The following NSUN2 variants were observed in gnomAD, a reference collection of about 807,000 sequenced individuals.
NSUN2 encodes RNA cytosine C(5)-methyltransferase NSUN2.
In NSUN2, 63 loss-of-function variants were observed where a neutral mutation model predicts 92.7. That is an observed-to-expected ratio of 0.68 (90% CI 0.56 to 0.84). NSUN2 has a LOEUF of 0.84. Ranked by LOEUF, NSUN2 falls within the 40% of genes least tolerant of loss-of-function variation. NSUN2 has a pLI of 0.00. For synonymous variants in NSUN2, 356 were observed against 348.3 expected (o/e 1.02, Z -0.25); for missense variants, 989 against 964.9 (o/e 1.02, Z -0.33).
intron 5 of NSUN2, among the ~76,000 whole-genome samples, chr5:6,622,450 T>C (rs1451731054): frequency 6.6e-6 from 1 of 152,212 alleles, no homozygotes; most frequent in Non-Finnish European, 1.5e-5. Flanking sequence ...TCAGTTCAAG[T>C]ACTTCTCCTT....
At chr5:6,620,037 T>G (rs1737372289) in intron 7 of NSUN2, 69 bp downstream of exon 7, 4 of 1,318,336 alleles carry the variant, frequency 3.0e-6, no homozygotes, top group East Asian at 4.9e-5. Flanking sequence ...CATGCACAAC[T>G]TCATTTTAGT....
intron 5 of NSUN2, among the ~76,000 whole-genome samples, chr5:6,622,803 C>T (rs1181272989): frequency 6.0e-5 from 9 of 149,788 alleles, no homozygotes; most frequent in African/African-American, 1.2e-4. Flanking sequence ...GCCAAGATCG[C>T]GCCACTGCAC....
At chr5:6,604,526 G>A in intron 16 of NSUN2, 79 bp downstream of exon 16, 3 of 1,304,882 alleles carry the variant, frequency 2.3e-6, no homozygotes, top group Middle Eastern at 3.8e-4. Context: ...AGACCATCTG[G>A]CTGACCAGCA....
At chr5:6,621,310 A>C (rs1737426161) in intron 6 of NSUN2, 1 of 152,162 alleles carries the variant, frequency 6.6e-6, no homozygotes, top group Admixed American at 6.5e-5. Flanking sequence ...GCTTTTAACT[A>C]CACACTACTA....
At chr5:6,616,092 C>T (rs966803767) in intron 9 of NSUN2, among the ~76,000 whole-genome samples, 1 of 152,118 alleles carries the variant, frequency 6.6e-6, no homozygotes, top group Admixed American at 6.5e-5. Context: ...ATGGTGGGGT[C>T]CCCCCAAAAT....
intron 7 of NSUN2, 91 bp downstream of exon 7, chr5:6,620,015 T>C: frequency 1.8e-6 from 2 of 1,117,070 alleles, no homozygotes; most frequent in South Asian, 3.3e-5. Context: ...TTATGTACAA[T>C]TGTGTCATAT....
Position 6,620,172 on chromosome 5 carries a change from T to C in NSUN2, c.749A>G (p.Gln250Arg). ...CTCTTTCCTGCCGTCCACATCTATCTGGAGCCTGGGTATGCTGGAGGCATC... is the reference window on the plus strand; with the variant it reads ...CTCTTTCCTGCCGTCCACATCTATCCGGAGCCTGGGTATGCTGGAGGCATC... ...NHDASSIPRL[Q>R]IDVDGRKEIL... Residue 250 changes from glutamine to arginine, a missense_variant, in exon 7 of 19, where the codon CAG becomes CGG. Physicochemically the swap from Gln to Arg is conservative, Grantham distance 43. This residue lies in a region of NSUN2 where 356 missense variants were observed against 338.6 expected (regional missense o/e 1.05). Coordinates refer to ENST00000264670, the MANE Select transcript of NSUN2 (RefSeq NM_017755.6). The C allele has an allele frequency of 6.2e-7, 1 of 1,613,078 alleles. No homozygotes were observed. The highest frequency in any genetic ancestry group is 8.5e-7 in the Non-Finnish European group (1 of 1,179,612).
intron 9 of NSUN2, among the ~76,000 whole-genome samples, chr5:6,613,439 G>A (rs1737080601): frequency 6.6e-6 from 1 of 152,190 alleles, no homozygotes; most frequent in Admixed American, 6.5e-5. Flanking sequence ...CCTATGTGGA[G>A]GCAGAAGCCA....
chr5:6,611,852 T>C (rs1737006853), intron 9 of NSUN2, 54 bp from the exon 10 acceptor site: 9 of 1,443,164 alleles, frequency 6.2e-6, no homozygotes, highest in Non-Finnish European at 8.7e-6. Flanking sequence ...ATTAACACAC[T>C]ATGCTCAGTG....
intron 10 of NSUN2, 55 bp from the exon 11 acceptor site, chr5:6,611,140 A>C: frequency 6.3e-7 from 1 of 1,597,498 alleles, no homozygotes; most frequent in East Asian, 2.2e-5. Flanking sequence ...TACCAACAAA[A>C]ATCACAGGGC....
intron 1 of NSUN2, 38 bp from the exon 2 acceptor site, chr5:6,632,794 G>T (rs1335863866): frequency 6.2e-7 from 1 of 1,600,480 alleles, no homozygotes; most frequent in Admixed American, 1.7e-5. Flanking sequence ...GAGGCCCAAG[G>T]AGCCGCCCCC....
At chr5:6,622,188 T>C (rs1037950846) in intron 5 of NSUN2, 88 bp from the exon 6 acceptor site, 26 of 1,010,722 alleles carry the variant, frequency 2.6e-5, no homozygotes, top group South Asian at 2.4e-4. Flanking sequence ...TTTCAATTTC[T>C]AGTCCAAGAT....
intron 11 of NSUN2, 118 bp from the exon 12 acceptor site, chr5:6,610,040 T>C (rs146335843): frequency 3.9e-5 from 26 of 658,502 alleles, no homozygotes; most frequent in African/African-American, 3.6e-4. Flanking sequence ...CCCTCACTCA[T>C]AGAATGGCCA....
chr5:6,618,284 T>C (rs543568134), intron 7 of NSUN2, among the ~76,000 whole-genome samples: 1 of 152,334 alleles, frequency 6.6e-6, no homozygotes, highest in Non-Finnish European at 1.5e-5. Context: ...TAAGGAGATA[T>C]TAATGTGCTT....
intron 9 of NSUN2, among the ~76,000 whole-genome samples, chr5:6,615,640 G>T (rs1384655306): frequency 6.6e-6 from 1 of 152,146 alleles, no homozygotes; most frequent in Non-Finnish European, 1.5e-5. Flanking sequence ...AGGGCTGAGG[G>T]CACAACCCAG....
At chr5:6,609,549 T>C (rs919069406) in intron 12 of NSUN2, among the ~76,000 whole-genome samples, 3 of 152,232 alleles carry the variant, frequency 2.0e-5, no homozygotes, top group East Asian at 1.9e-4. Flanking sequence ...CAATCTTTCA[T>C]GTCTTTTCAA....
chr5:6,610,027 C>A, intron 11 of NSUN2, 105 bp from the exon 12 acceptor site: 1 of 770,300 alleles, frequency 1.3e-6, no homozygotes, highest in Non-Finnish European at 2.0e-6. Context: ...ATCATGTCTT[C>A]GACCCTCACT....
chr5:6,603,566 T>C (rs10053809), intron 17 of NSUN2, among the ~76,000 whole-genome samples: 2,563 of 152,228 alleles, frequency 0.017, 95 homozygotes, highest in African/African-American at 0.058. Flanking sequence ...TGGCGGGTGC[T>C]TGTAGTCCCA....
chr5:6,611,631 T>C (rs1041554333), intron 10 of NSUN2, 94 bp downstream of exon 10: 1 of 932,816 alleles, frequency 1.1e-6, no homozygotes, highest in Admixed American at 2.1e-5. Flanking sequence ...TAGTATTTAT[T>C]CAAGTTACTC....
Sources: allele counts gnomAD v4.1 joint callset (sites outside exome capture counted in the v4.1 genomes callset), GRCh38; gene constraint gnomAD v4.1.1; regional missense constraint gnomAD v4.1.1; transcripts MANE v1.5; gene names NCBI Gene and HGNC (gene_info 2026-07-23, HGNC 2026-07-21).